The following BTK variants were observed in gnomAD, a reference collection of about 807,000 sequenced individuals.
The protein encoded by BTK is tyrosine-protein kinase BTK.
BTK carries 5 observed loss-of-function variants against 57.4 expected under a neutral mutation model. The ratio of observed to expected loss-of-function variants is 0.09; its 90% CI spans 0.05 to 0.18. BTK has a LOEUF of 0.18. Ranked by LOEUF, BTK falls within the 10% of genes least tolerant of loss-of-function variation. BTK has a pLI of 1.00. For missense variants in BTK, 194 were observed against 501.2 expected (o/e 0.39, Z 5.85); for synonymous variants, 154 against 174.3 (o/e 0.88, Z 0.92).
chrX:101,378,576 A>G (rs1927302664), intron 1 of BTK, among the ~76,000 whole-genome samples: 1 of 110,024 alleles, frequency 9.1e-6, no homozygotes, highest in East Asian at 2.9e-4. Flanking sequence ...ACTGTTGTTT[A>G]TAGAAAGAAA....
chrX:101,374,289 G>T (rs1339587780), intron 3 of BTK: 18 of 367,426 alleles, frequency 4.9e-5, no homozygotes, highest in Non-Finnish European at 8.1e-5. Flanking sequence ...TGACCAGTTT[G>T]AAAACTAGAT....
intron 18 of BTK, chrX:101,352,924 G>C (rs1555977281): frequency 3.6e-6 from 1 of 277,502 alleles, no homozygotes; most frequent in African/African-American, 2.9e-5. Flanking sequence ...AAATTAGCTT[G>C]GTGTGGTGGT....
intron 1 of BTK, among the ~76,000 whole-genome samples, chrX:101,385,668 G>C (rs1256048392): frequency 1.8e-5 from 2 of 112,350 alleles, no homozygotes; most frequent in Non-Finnish European, 3.8e-5. Flanking sequence ...TTTTCTAAAG[G>C]CTTCATTGAC....
intron 3 of BTK, among the ~76,000 whole-genome samples, chrX:101,373,306 C>A (rs1555980634): frequency 9.0e-6 from 1 of 111,587 alleles, no homozygotes; most frequent in Non-Finnish European, 1.9e-5. Flanking sequence ...AAAAAAAGTA[C>A]AGAAAGATGT....
chrX:101,372,638 G>A (rs186391461), intron 3 of BTK, among the ~76,000 whole-genome samples: 1,519 of 107,495 alleles, frequency 0.014, 31 homozygotes, highest in African/African-American at 0.048. Flanking sequence ...TAGTAGAGAC[G>A]GGGTTTCACC....
At chrX:101,387,890 G>A (rs1408066755), upstream of BTK, among the ~76,000 whole-genome samples, 1 of 101,103 alleles carries the variant, frequency 9.9e-6, no homozygotes, top group African/African-American at 3.7e-5. Flanking sequence ...TTTTTGAGAC[G>A]GAGTCTTGCC....
rs2147431898 is a variant in BTK, at chrX:101,360,097, T to C, written c.830A>G (p.Glu277Gly). 2 of 1,200,529 alleles carry C rather than the reference T, an allele frequency of 1.7e-6. No homozygotes were observed. The highest frequency in any genetic ancestry group is 6.0e-5 in the East Asian group (2 of 33,577). The change falls in exon 9 of 19, where the codon GAA becomes GGA. Residue 277 changes from glutamate to glycine, a missense_variant. Coordinates refer to ENST00000308731, the MANE Select transcript of BTK (RefSeq NM_000061.3). ...NYVTEAEDSI[E>G]MYEWYSKHMT... ...ACATAAACATACTTACTCATACATT[T>C]CTATGGAGTCTTCTGCTTCAGTGAC... is the stretch of plus-strand genomic sequence containing the variant.
At chrX:101,385,399 G>T (rs143177847) in intron 1 of BTK, among the ~76,000 whole-genome samples, 1 of 112,233 alleles carries the variant, frequency 8.9e-6, no homozygotes, top group Non-Finnish European at 1.9e-5. Flanking sequence ...AGGGTTGGCC[G>T]CACTGTCTGG....
At chrX:101,363,576 C>T (rs1926736854) in intron 5 of BTK, among the ~76,000 whole-genome samples, 2 of 109,055 alleles carry the variant, frequency 1.8e-5, no homozygotes, top group African/African-American at 3.3e-5. Flanking sequence ...AAAATTACAG[C>T]GTGCCTGTAA....
intron 5 of BTK, among the ~76,000 whole-genome samples, chrX:101,366,064 G>A (rs1266736939): frequency 8.9e-6 from 1 of 112,101 alleles, no homozygotes; most frequent in Non-Finnish European, 1.9e-5. Context: ...TTGAGGTCAG[G>A]CATTTGAGAC....
At chrX:101,369,706 A>G (rs1307835270) in intron 5 of BTK, among the ~76,000 whole-genome samples, 4 of 109,489 alleles carry the variant, frequency 3.7e-5, no homozygotes, top group Non-Finnish European at 5.7e-5. Context: ...CAATTGTATT[A>G]CTAATATTGA....
intron 18 of BTK, among the ~76,000 whole-genome samples, chrX:101,352,205 A>G (rs1313201247): frequency 9.0e-6 from 1 of 111,102 alleles, no homozygotes; most frequent in East Asian, 2.8e-4. Flanking sequence ...CTCAGCCAGA[A>G]ACGGTTGGCA....
At chrX:101,360,890 C>T (rs1555978550) in intron 7 of BTK, 135 bp from the exon 8 acceptor site, 6 of 603,341 alleles carry the variant, frequency 9.9e-6, no homozygotes, top group Non-Finnish European at 1.6e-5. Context: ...ATTCAACAAC[C>T]ATTTTTAAGC....
chrX:101,356,604 A>G lies in BTK; in HGVS notation c.1349+180T>C, dbSNP rs1166125212. On this transcript the variant is annotated intron_variant, in intron 14 of 18. Transcript: ENST00000308731. ...CCATGATCACCACTATTCTCAACCA[A>G]TATCTAAGGCACAGAAACTATTATC... 5.8e-6 allele frequency: 3 copies of G among 521,560 alleles called. No individual in the cohort carries two copies. The Admixed American group carries it at 9.0e-5, about 16-fold the overall frequency. The allele number at this position is 521,560 out of a possible 1,213,427, so 43.0% of individuals were successfully genotyped here.
chrX:101,363,366 G>A (rs1397576396), intron 5 of BTK, among the ~76,000 whole-genome samples: 1 of 111,993 alleles, frequency 8.9e-6, no homozygotes, highest in Non-Finnish European at 1.9e-5. Context: ...GATGCAGAGA[G>A]GAGGAATTAG....
intron 1 of BTK, among the ~76,000 whole-genome samples, chrX:101,378,431 C>T (rs782667288): frequency 1.8e-5 from 2 of 109,764 alleles, no homozygotes; most frequent in South Asian, 3.9e-4. Context: ...CCTACAGAGT[C>T]GGTTTGACCA....
intron 2 of BTK, 139 bp from the exon 3 acceptor site, chrX:101,374,773 T>TATAAAG (rs1927153600): frequency 3.7e-6 from 2 of 547,419 alleles, no homozygotes; most frequent in Admixed American, 5.6e-5. Context: ...AAAAAAATCC[T>TATAAAG]TCCAGATCTA....
chrX:101,366,203 CAG>C (rs10556198), intron 5 of BTK, among the ~76,000 whole-genome samples: 13,503 of 111,072 alleles, frequency 0.12, 797 homozygotes, highest in South Asian at 0.27. Context: ...ACGCAGGAGG[CAG>C]AGTTTGCAGT....
At chrX:101,387,594 C>T (rs1384285023), upstream of BTK, among the ~76,000 whole-genome samples, 1 of 109,969 alleles carries the variant, frequency 9.1e-6, no homozygotes, top group Non-Finnish European at 1.9e-5. Context: ...TCAAGCGATA[C>T]TCCTGCCTTG....
Sources: gnomAD v4.1 joint callset for allele counts (sites outside exome capture counted in the v4.1 genomes callset) on GRCh38, gnomAD v4.1.1 for gene constraint, MANE v1.5 for transcripts, NCBI Gene and HGNC (gene_info 2026-07-23, HGNC 2026-07-21) for gene names.